GABBR2: variants seen among roughly 807,000 people sequenced by gnomAD.
GABBR2 encodes the protein gamma-aminobutyric acid type B receptor subunit 2.
Under a neutral mutation model 105.6 loss-of-function variants are expected in GABBR2, and 23 were observed. That is an observed-to-expected ratio of 0.22 (90% CI 0.16 to 0.31). The LOEUF (loss-of-function observed/expected upper bound fraction) is 0.31. Ranked by LOEUF, GABBR2 falls within the 10% of genes least tolerant of loss-of-function variation. GABBR2 has a pLI of 1.00. For missense variants in GABBR2, 734 were observed against 1,245.5 expected (o/e 0.59, Z 6.18); for synonymous variants, 478 against 499.7 (o/e 0.96, Z 0.58).
intron 1 of GABBR2, among the ~76,000 whole-genome samples, chr9:98,681,822 A>C (rs1830551786): frequency 6.6e-6 from 1 of 152,240 alleles, no homozygotes; most frequent in Admixed American, 6.5e-5. Context: ...AAGGAGATAT[A>C]AGTGGGTTAT....
intron 1 of GABBR2, among the ~76,000 whole-genome samples, chr9:98,659,478 T>G (rs1423939027): frequency 2.7e-5 from 4 of 147,576 alleles, no homozygotes; most frequent in Non-Finnish European, 1.5e-5. Context: ...CCCATATTAT[T>G]TCTTCTTCTT....
At chr9:98,675,914 C>T (rs2131865167) in intron 1 of GABBR2, among the ~76,000 whole-genome samples, 1 of 152,318 alleles carries the variant, frequency 6.6e-6, no homozygotes, top group South Asian at 2.1e-4. Context: ...CTCTGACATC[C>T]TTTCTCCCTT....
At chr9:98,451,376 C>T (rs1004622066) in intron 7 of GABBR2, among the ~76,000 whole-genome samples, 1 of 152,180 alleles carries the variant, frequency 6.6e-6, no homozygotes, top group Non-Finnish European at 1.5e-5. Context: ...GTTAAAGTTT[C>T]CAGCCTGAAT....
intron 1 of GABBR2, among the ~76,000 whole-genome samples, chr9:98,679,299 T>C (rs1830511380): frequency 6.6e-6 from 1 of 152,174 alleles, no homozygotes; most frequent in Non-Finnish European, 1.5e-5. Context: ...AGGAAACCTG[T>C]GAGAAACCAC....
intron 1 of GABBR2, among the ~76,000 whole-genome samples, chr9:98,622,479 T>A (rs1030830026): frequency 6.6e-6 from 1 of 151,652 alleles, no homozygotes; most frequent in African/African-American, 2.4e-5. Context: ...CCAGTCATGA[T>A]AGAAAAGAAG....
At chr9:98,638,872 C>G (rs1414240311) in intron 1 of GABBR2, among the ~76,000 whole-genome samples, 3 of 152,226 alleles carry the variant, frequency 2.0e-5, no homozygotes, top group African/African-American at 7.2e-5. Flanking sequence ...AAGTTAATCA[C>G]TTCTGTCTTT....
intron 13 of GABBR2, among the ~76,000 whole-genome samples, chr9:98,350,959 T>A (rs471722): frequency 6.6e-6 from 1 of 151,882 alleles, no homozygotes; most frequent in African/African-American, 2.4e-5. Flanking sequence ...ATCTGCTTGA[T>A]GAATCGATCC....
Position 98,572,443 on chromosome 9 carries a change from C to T in GABBR2, c.459+5492G>A, listed in dbSNP as rs891828422. Among the ~76,000 whole-genome samples, 4 of 152,226 alleles carry T rather than the reference C, an allele frequency of 2.6e-5. No individual in the cohort carries two copies. In the East Asian group the frequency reaches 5.8e-4, roughly 22 times the overall value. ...GCTCCTCCAAAAAGGGCCGCCAGAG[C>T]TCCTTTTCAATTACACAAATTCCAT... On this transcript the variant is annotated intron_variant, in intron 2 of 18. Transcript: ENST00000259455.
chr9:98,520,813 G>A (rs1040213241), intron 3 of GABBR2, among the ~76,000 whole-genome samples: 44 of 152,328 alleles, frequency 2.9e-4, no homozygotes, highest in African/African-American at 9.1e-4. Flanking sequence ...TGAGTCCCTG[G>A]CAAGGGACAG....
chr9:98,361,360 GTCA>G (rs891374759), intron 13 of GABBR2, among the ~76,000 whole-genome samples: 10 of 137,694 alleles, frequency 7.3e-5, no homozygotes, highest in Admixed American at 3.4e-4. Flanking sequence ...GATACCAGCT[GTCA>G]TCATCATCAT....
At chr9:98,331,777 G>A (rs934344108) in intron 13 of GABBR2, among the ~76,000 whole-genome samples, 1 of 152,210 alleles carries the variant, frequency 6.6e-6, no homozygotes, top group Non-Finnish European at 1.5e-5. Context: ...GGCAGAGAGC[G>A]TGGAGCATGA....
intron 5 of GABBR2, among the ~76,000 whole-genome samples, chr9:98,474,039 G>T (rs1397730066): frequency 6.6e-6 from 1 of 152,110 alleles, no homozygotes; most frequent in African/African-American, 2.4e-5. Context: ...AAAACACAGA[G>T]TGTATAAATT....
At chr9:98,560,782 GTATA>G (rs35347663) in intron 2 of GABBR2, among the ~76,000 whole-genome samples, 1 of 145,346 alleles carries the variant, frequency 6.9e-6, no homozygotes, top group Non-Finnish European at 1.5e-5. Flanking sequence ...ATATAGTAGT[GTATA>G]TATATATATA....
At chr9:98,385,883 G>C (rs965943452) in intron 10 of GABBR2, 111 bp from the exon 11 acceptor site, 4 of 823,030 alleles carry the variant, frequency 4.9e-6, no homozygotes, top group Admixed American at 2.3e-5. Flanking sequence ...GGCTAGAGGG[G>C]AGAGAGAGAA....
intron 7 of GABBR2, among the ~76,000 whole-genome samples, chr9:98,425,839 C>G (rs1032043466): frequency 6.6e-6 from 1 of 152,150 alleles, no homozygotes; most frequent in African/African-American, 2.4e-5. Flanking sequence ...GTAGTCCTAC[C>G]CCGGGTTGGC....
At chr9:98,333,881 A>G (rs1013733450) in intron 13 of GABBR2, among the ~76,000 whole-genome samples, 1 of 152,202 alleles carries the variant, frequency 6.6e-6, no homozygotes, top group Non-Finnish European at 1.5e-5. Flanking sequence ...GACCATGGGC[A>G]TGTTATTTAA....
chr9:98,401,508 C>T (rs1832394486), intron 8 of GABBR2, among the ~76,000 whole-genome samples: 1 of 152,144 alleles, frequency 6.6e-6, no homozygotes, highest in South Asian at 2.1e-4. Flanking sequence ...AGGCTAGGGT[C>T]AAGCTGGAAA....
At chr9:98,529,870 A>T (rs1464811046) in intron 3 of GABBR2, among the ~76,000 whole-genome samples, 2 of 152,132 alleles carry the variant, frequency 1.3e-5, no homozygotes, top group South Asian at 2.1e-4. Context: ...GCATGCAGGG[A>T]TCTTCGCCAT....
chr9:98,701,194 G>C (rs1343925351), intron 1 of GABBR2, among the ~76,000 whole-genome samples: 1 of 152,188 alleles, frequency 6.6e-6, no homozygotes, highest in Non-Finnish European at 1.5e-5. Flanking sequence ...ACACAAAGAA[G>C]GTCCCTTTAA....
Sources: gnomAD v4.1 joint callset for allele counts (sites outside exome capture counted in the v4.1 genomes callset) on GRCh38, gnomAD v4.1.1 for gene constraint, MANE v1.5 for transcripts, NCBI Gene and HGNC (gene_info 2026-07-23, HGNC 2026-07-21) for gene names.